ASPRV1: variants seen among roughly 807,000 people sequenced by gnomAD.
ASPRV1 encodes the protein retroviral-like aspartic protease 1.
ASPRV1 carries 7 observed loss-of-function variants against 11.0 expected under a neutral mutation model. The ratio of observed to expected loss-of-function variants is 0.64; its 90% CI spans 0.36 to 1.20. The LOEUF is 1.20. ASPRV1 is among the 50% of genes most tolerant of loss of function. The pLI, the probability that ASPRV1 is intolerant of heterozygous loss-of-function variation, is 0.02. For synonymous variants in ASPRV1, 136 were observed against 138.4 expected, an observed-to-expected ratio of 0.98 and a Z score of 0.12; for missense variants, 299 against 320.0, an observed-to-expected ratio of 0.93 and a Z score of 0.50.
chr2:70,074,414 G>A, the ASPRV1 span, among the ~76,000 whole-genome samples: 16 of 150,544 alleles, frequency 1.1e-4, no homozygotes, highest in Non-Finnish European at 2.1e-4. Context: ...TCAGCCTCCC[G>A]AGTAGCTGGG....
chr2:70,043,787 C>G, the ASPRV1 span, among the ~76,000 whole-genome samples: 1 of 152,198 alleles, frequency 6.6e-6, no homozygotes, highest in East Asian at 1.9e-4. Context: ...AAACCACAGA[C>G]CCAAAGGTCC....
chr2:70,068,788 TAAC>T, the ASPRV1 span, among the ~76,000 whole-genome samples: 4,958 of 136,424 alleles, frequency 0.036, 281 homozygotes, highest in African/African-American at 0.13. Flanking sequence ...AAAAAAAAAA[TAAC>T]AAAATTAGCC....
chr2:70,026,615 T>G, the ASPRV1 span, among the ~76,000 whole-genome samples: 2 of 149,850 alleles, frequency 1.3e-5, no homozygotes, highest in African/African-American at 2.5e-5. Context: ...CAAAAAAAAA[T>G]AAAATAAAAT....
chr2:69,937,322 C>T, the ASPRV1 span: 1 of 1,614,214 alleles, frequency 6.2e-7, no homozygotes, highest in Non-Finnish European at 8.5e-7. Flanking sequence ...GCTGGAGAAG[C>T]TGGGCATTGA....
At chr2:69,989,584 A>AT in the ASPRV1 span, among the ~76,000 whole-genome samples, 1 of 152,226 alleles carries the variant, frequency 6.6e-6, no homozygotes, top group Non-Finnish European at 1.5e-5. Context: ...CCCGGCGCTC[A>AT]TTTGGGGCGT....
the ASPRV1 span, among the ~76,000 whole-genome samples, chr2:70,038,904 C>A: frequency 6.6e-6 from 1 of 152,010 alleles, no homozygotes; most frequent in Non-Finnish European, 1.5e-5. Context: ...CATGGAGAAA[C>A]CCTGTCTCTA....
chr2:69,969,428 G>A, the ASPRV1 span, among the ~76,000 whole-genome samples: 1 of 152,260 alleles, frequency 6.6e-6, no homozygotes, highest in African/African-American at 2.4e-5. Context: ...CCCTCGCACT[G>A]CTGTTTTCCT....
the ASPRV1 span, among the ~76,000 whole-genome samples, chr2:69,946,940 G>C: frequency 5.3e-5 from 8 of 152,230 alleles, no homozygotes; most frequent in African/African-American, 1.9e-4. Context: ...GTGGCTCAGA[G>C]AGAGAGACAG....
chr2:70,086,496 AT>A, the ASPRV1 span: 4 of 152,038 alleles, frequency 2.6e-5, no homozygotes, highest in African/African-American at 9.6e-5. Flanking sequence ...GCCTTCCAAG[AT>A]GGCGGGCCCT....
the ASPRV1 span, among the ~76,000 whole-genome samples, chr2:70,084,874 A>T: frequency 3.3e-5 from 5 of 152,208 alleles, no homozygotes; most frequent in Non-Finnish European, 5.9e-5. Context: ...GTACCTATTA[A>T]ATGTTCGTAG....
At chr2:69,985,423 T>C in the ASPRV1 span, among the ~76,000 whole-genome samples, 3 of 152,210 alleles carry the variant, frequency 2.0e-5, no homozygotes, top group South Asian at 6.2e-4. Flanking sequence ...CCCATGATCA[T>C]GGCTCACATG....
chr2:70,028,557 T>C, the ASPRV1 span: 1 of 152,140 alleles, frequency 6.6e-6, no homozygotes, highest in Admixed American at 6.5e-5. Flanking sequence ...GGTGCTGTGG[T>C]TTGAATGCAT....
the ASPRV1 span, among the ~76,000 whole-genome samples, chr2:70,014,160 A>G: frequency 0.025 from 3,763 of 152,300 alleles, 146 homozygotes; most frequent in African/African-American, 0.084. Context: ...AAAAATAGAT[A>G]TATTGGACCT....
the ASPRV1 span, chr2:70,028,383 A>G: frequency 6.6e-6 from 1 of 152,144 alleles, no homozygotes. Context: ...GGAAATTAGC[A>G]AGCACCTTCT....
At chr2:70,037,787 C>A in the ASPRV1 span, among the ~76,000 whole-genome samples, 1 of 151,692 alleles carries the variant, frequency 6.6e-6, no homozygotes, top group Non-Finnish European at 1.5e-5. Context: ...GCCTTTAGTG[C>A]CATACTTCAA....
the ASPRV1 span, among the ~76,000 whole-genome samples, chr2:69,999,655 CAAAAAAAA>C: frequency 7.4e-5 from 4 of 54,016 alleles, no homozygotes; most frequent in African/African-American, 1.8e-4. Context: ...GACTCTGTCT[CAAAAAAAA>C]AAAAAAAAAA....
chr2:70,028,839 G>A, the ASPRV1 span, among the ~76,000 whole-genome samples: 2 of 152,204 alleles, frequency 1.3e-5, no homozygotes, highest in African/African-American at 4.8e-5. Context: ...CTACTCGGGA[G>A]GCTGAGGCAG....
chr2:70,079,009 G>GA, the ASPRV1 span, among the ~76,000 whole-genome samples: 2 of 151,978 alleles, frequency 1.3e-5, no homozygotes, highest in South Asian at 2.1e-4. Context: ...TGAAGAGAAT[G>GA]AAAAAACAGA....
the ASPRV1 span, among the ~76,000 whole-genome samples, chr2:70,005,119 TG>T: frequency 6.6e-6 from 1 of 152,156 alleles, no homozygotes; most frequent in Admixed American, 6.5e-5. Context: ...TGGAGTGCAG[TG>T]GCAATCGCAG....
Sources: allele counts gnomAD v4.1 joint callset (sites outside exome capture counted in the v4.1 genomes callset), GRCh38; gene constraint gnomAD v4.1.1; transcripts MANE v1.5; gene names NCBI Gene and HGNC (gene_info 2026-07-23, HGNC 2026-07-21).